GRAMD1C: variants seen among roughly 807,000 people sequenced by gnomAD.
GRAMD1C encodes the protein protein Aster-C.
A neutral mutation model predicts 97.8 loss-of-function variants in GRAMD1C; 89 were observed. The ratio of observed to expected loss-of-function variants is 0.91; its 90% CI spans 0.77 to 1.09. The LOEUF (loss-of-function observed/expected upper bound fraction) is 1.09. Among genes scored for constraint, GRAMD1C ranks in the 50% least tolerant of loss-of-function variants. The pLI is 0.00. For missense variants in GRAMD1C, 740 were observed against 766.4 expected, an observed-to-expected ratio of 0.97 and a Z score of 0.41; for synonymous variants, 256 against 267.0, an observed-to-expected ratio of 0.96 and a Z score of 0.40.
intron 6 of GRAMD1C, among the ~76,000 whole-genome samples, chr3:113,891,475 G>T (rs995870451): frequency 1.3e-5 from 2 of 151,722 alleles, no homozygotes; most frequent in Non-Finnish European, 2.9e-5. Flanking sequence ...TCTTGATCTT[G>T]TGTAATACTC....
chr3:113,894,071 G>A (rs1935840297), intron 6 of GRAMD1C, among the ~76,000 whole-genome samples: 1 of 152,112 alleles, frequency 6.6e-6, no homozygotes, highest in Admixed American at 6.5e-5. Context: ...AGTTGCCAAA[G>A]AAATGTTATT....
chr3:113,848,998 A>AACAG (rs1553715046), intron 2 of GRAMD1C, among the ~76,000 whole-genome samples: 1 of 151,392 alleles, frequency 6.6e-6, no homozygotes. Context: ...CAAACAAACA[A>AACAG]CCAAAAAACT....
intron 7 of GRAMD1C, 29 bp from the exon 8 acceptor site, chr3:113,904,111 A>G (rs1040816051): frequency 5.7e-6 from 9 of 1,583,570 alleles, no homozygotes; most frequent in South Asian, 5.6e-5. Flanking sequence ...AGGTGACCTT[A>G]TATTTCTATA....
chr3:113,890,500 C>T, intron 6 of GRAMD1C: 1 of 481,884 alleles, frequency 2.1e-6, no homozygotes, highest in Non-Finnish European at 3.6e-6. Flanking sequence ...GCAAGGAAGC[C>T]TCCTTCACCC....
intron 10 of GRAMD1C, chr3:113,919,704 A>C: frequency 1.6e-6 from 1 of 619,674 alleles, no homozygotes; most frequent in Non-Finnish European, 3.0e-6. Context: ...GATGTTAACA[A>C]CTGTATTAAG....
intron 2 of GRAMD1C, among the ~76,000 whole-genome samples, chr3:113,868,817 G>A (rs570370694): frequency 6.6e-6 from 1 of 152,166 alleles, no homozygotes. Flanking sequence ...TCTCTAGTTT[G>A]TGTTACGCAC....
chr3:113,889,443 G>T (rs919845972), intron 6 of GRAMD1C, among the ~76,000 whole-genome samples: 1 of 152,184 alleles, frequency 6.6e-6, no homozygotes, highest in African/African-American at 2.4e-5. Context: ...ACAGCTGATG[G>T]AGTCAGTTAT....
At chr3:113,935,310 T>C (rs78897416) in intron 13 of GRAMD1C, among the ~76,000 whole-genome samples, 11 of 152,014 alleles carry the variant, frequency 7.2e-5, no homozygotes, top group Admixed American at 3.3e-4. Context: ...GTCTAAGCTC[T>C]GGGGAGTCCT....
At chr3:113,839,314 GTC>G (rs1709716487) in intron 1 of GRAMD1C, among the ~76,000 whole-genome samples, 1 of 152,152 alleles carries the variant, frequency 6.6e-6, no homozygotes, top group African/African-American at 2.4e-5. Flanking sequence ...TGTTGTAAAG[GTC>G]CGGATAGTTT....
chr3:113,919,806 ACTT>A, intron 10 of GRAMD1C: 5 of 624,528 alleles, frequency 8.0e-6, no homozygotes, highest in Non-Finnish European at 1.5e-5. Context: ...GGAAAAATTT[ACTT>A]CTTAGTAGTA....
chr3:113,838,750 A>G, upstream of GRAMD1C: 1 of 411,950 alleles, frequency 2.4e-6, no homozygotes, highest in Non-Finnish European at 4.1e-6. Flanking sequence ...GGAATCCTTC[A>G]CGGCCGCCAG....
intron 17 of GRAMD1C, among the ~76,000 whole-genome samples, chr3:113,941,646 TCTCA>T (rs781271996): frequency 1.4e-5 from 2 of 145,166 alleles, no homozygotes; most frequent in Admixed American, 7.0e-5. Flanking sequence ...TGAGATGGAA[TCTCA>T]CTCTGTCACC....
chr3:113,833,033 GCC>G (rs1359938980), intron 1 of GRAMD1C, among the ~76,000 whole-genome samples: 12 of 151,804 alleles, frequency 7.9e-5, no homozygotes, highest in Non-Finnish European at 8.8e-5. Context: ...TCCATTGTTT[GCC>G]TGAACTGTTA....
chr3:113,829,258 C>G (rs927129252), intron 1 of GRAMD1C, among the ~76,000 whole-genome samples: 1 of 151,766 alleles, frequency 6.6e-6, no homozygotes, highest in Non-Finnish European at 1.5e-5. Context: ...CCAGTCTGTA[C>G]AAAACAAACA....
chr3:113,846,635 G>A (rs954982720), intron 2 of GRAMD1C, among the ~76,000 whole-genome samples: 1 of 152,132 alleles, frequency 6.6e-6, no homozygotes, highest in Non-Finnish European at 1.5e-5. Context: ...TAGTATGGGG[G>A]CCAGCAGATT....
intron 10 of GRAMD1C, chr3:113,920,139 A>G: frequency 7.0e-7 from 1 of 1,419,614 alleles, no homozygotes; most frequent in Non-Finnish European, 9.8e-7. Flanking sequence ...CAGAGAAAAA[A>G]CTTTCACCAG....
At chr3:113,893,381 C>CTT (rs35099680) in intron 6 of GRAMD1C, among the ~76,000 whole-genome samples, 26 of 146,800 alleles carry the variant, frequency 1.8e-4, no homozygotes, top group East Asian at 9.9e-4. Context: ...AAATGTTCTG[C>CTT]TTTTTTTTTT....
chr3:113,842,616 A>C (rs1933385373), intron 1 of GRAMD1C, among the ~76,000 whole-genome samples: 1 of 152,104 alleles, frequency 6.6e-6, no homozygotes. Flanking sequence ...TCAAATCAGT[A>C]TCATTGTGAT....
At chr3:113,834,251 C>T (rs1373244389), upstream of GRAMD1C, among the ~76,000 whole-genome samples, 1 of 152,176 alleles carries the variant, frequency 6.6e-6, no homozygotes, top group African/African-American at 2.4e-5. Context: ...GCAATCTTGG[C>T]TCACTGCAAC....
Sources: allele counts gnomAD v4.1 joint callset (sites outside exome capture counted in the v4.1 genomes callset), GRCh38; gene constraint gnomAD v4.1.1; transcripts MANE v1.5; gene names NCBI Gene and HGNC (gene_info 2026-07-23, HGNC 2026-07-21).